Variants in KANK1 observed in about 807,000 individuals in gnomAD.
KANK1 encodes the protein KN motif and ankyrin repeat domains 1.
Under a neutral mutation model 106.2 loss-of-function variants are expected in KANK1, and 109 were observed. The observed-to-expected ratio is 1.03, with a 90% CI of 0.88 to 1.20. KANK1 has a LOEUF of 1.20. KANK1 is among the 50% of genes most tolerant of loss of function. The probability of loss-of-function intolerance (pLI) is 0.00; values close to 1 mark genes in which losing one functional copy is unlikely to be tolerated. For synonymous variants in KANK1, 873 were observed against 652.2 expected (o/e 1.34, Z -5.16); for missense variants, 2,399 against 1,710.7 (o/e 1.40, Z -7.10).
intron 6 of KANK1, chr9:734,538 C>T (rs1221168757): frequency 1.6e-5 from 7 of 430,714 alleles, no homozygotes; most frequent in Admixed American, 3.4e-5. Flanking sequence ...TGGTGGTGCA[C>T]ACCTGTAGTC....
At chr9:646,782 C>T (rs1302242991) in intron 1 of KANK1, among the ~76,000 whole-genome samples, 2 of 150,154 alleles carry the variant, frequency 1.3e-5, no homozygotes, top group African/African-American at 2.5e-5. Flanking sequence ...CTCCGCCTCC[C>T]GGGTTAAAGC....
rs752390323 is a variant in KANK1 at position 713,327 on chromosome 9, A to G, written c.2561A>G (p.Glu854Gly). ...NYSELAEAFGEPHSQMGSLNS... is the reference protein window; with the variant it reads ...NYSELAEAFGGPHSQMGSLNS... ...AGTGAACTGGCAGAAGCTTTCGGGG[A>G]ACCTCACTCACAGATGGGCTCCCTC... The change falls in exon 3 of 12, where the codon GAA (glutamate) becomes GGA (glycine). Residue 854 changes from glutamate to glycine, a missense_variant. Transcript: ENST00000382297. 6.2e-7 allele frequency: 1 copy of G among 1,614,150 alleles called. No homozygotes were observed. Among genetic ancestry groups the G allele is most frequent in the Non-Finnish European group, 8.5e-7 (1 of 1,180,024 alleles).
intron 1 of KANK1, among the ~76,000 whole-genome samples, chr9:641,242 C>T (rs566328873): frequency 6.6e-6 from 1 of 152,288 alleles, no homozygotes; most frequent in Non-Finnish European, 1.5e-5. Context: ...CAGATATGAA[C>T]AGTATGTTTA....
chr9:527,570 G>A (rs1037319292), intron 1 of KANK1, among the ~76,000 whole-genome samples: 5 of 151,656 alleles, frequency 3.3e-5, no homozygotes, highest in African/African-American at 1.2e-4. Flanking sequence ...CAGAGTGCTG[G>A]AATTACAGGT....
chr9:522,430 G>A lies in KANK1; in HGVS notation c.-84+17676G>A, dbSNP rs1056806967. ...TAACGCTCCTTTCTGTGCTCACTCC[G>A]TCTCTTTCATGGTTTTCACAAGCAG... On this transcript the variant is annotated intron_variant, in intron 1 of 11. Coordinates refer to ENST00000382297, the MANE Select transcript of KANK1 (RefSeq NM_015158.5). Among the ~76,000 whole-genome samples, 7 of 151,512 alleles carry A rather than the reference G, an allele frequency of 4.6e-5. No individual in the cohort carries two copies. In the East Asian group the frequency reaches 1.2e-3, roughly 25 times the overall value.
At chr9:701,259 A>G (rs1822584763) in intron 2 of KANK1, among the ~76,000 whole-genome samples, 1 of 152,170 alleles carries the variant, frequency 6.6e-6, no homozygotes, top group Non-Finnish European at 1.5e-5. Context: ...GATTACAGGC[A>G]TGCACCACCA....
chr9:589,354 C>T (rs1383972643), intron 1 of KANK1, among the ~76,000 whole-genome samples: 1 of 152,140 alleles, frequency 6.6e-6, no homozygotes, highest in Non-Finnish European at 1.5e-5. Flanking sequence ...ACTCTTGATG[C>T]TTCATAACAT....
intron 3 of KANK1, among the ~76,000 whole-genome samples, chr9:717,161 C>T (rs1364784067): frequency 6.6e-6 from 1 of 151,816 alleles, no homozygotes; most frequent in Non-Finnish European, 1.5e-5. Context: ...GGCAGATGCC[C>T]GTAGTCCCAG....
At chr9:553,261 G>A (rs891507020) in intron 1 of KANK1, among the ~76,000 whole-genome samples, 2 of 152,224 alleles carry the variant, frequency 1.3e-5, no homozygotes, top group Admixed American at 6.5e-5. Flanking sequence ...GGACTTAAGT[G>A]TGTTCAGAAG....
At chr9:510,187 A>C (rs985197373) in intron 1 of KANK1, among the ~76,000 whole-genome samples, 1 of 152,132 alleles carries the variant, frequency 6.6e-6, no homozygotes, top group African/African-American at 2.4e-5. Flanking sequence ...TTCTGAAAAT[A>C]ATGGTGAGGT....
chr9:724,588 G>A (rs988599799), intron 3 of KANK1, among the ~76,000 whole-genome samples: 1 of 152,110 alleles, frequency 6.6e-6, no homozygotes, highest in Non-Finnish European at 1.5e-5. Context: ...GATCACTTGA[G>A]GTCAGGAGTT....
chr9:574,747 T>A (rs1190446480), intron 1 of KANK1, among the ~76,000 whole-genome samples: 1 of 148,506 alleles, frequency 6.7e-6, no homozygotes, highest in Non-Finnish European at 1.5e-5. Context: ...CCCAGCTACT[T>A]GGGAGGTTGA....
intron 7 of KANK1, among the ~76,000 whole-genome samples, 176 bp downstream of exon 7, chr9:735,011 C>T (rs906412531): frequency 6.6e-6 from 1 of 152,172 alleles, no homozygotes; most frequent in Non-Finnish European, 1.5e-5. Flanking sequence ...ATCACACTGC[C>T]AGCGTTTCCT....
chr9:612,852 T>C (rs1830896634), intron 1 of KANK1, among the ~76,000 whole-genome samples: 1 of 152,080 alleles, frequency 6.6e-6, no homozygotes. Context: ...CAAGAAGTAG[T>C]AAGAGACCCT....
At position 740,811 on chromosome 9, in the gene KANK1, C is replaced by G. The variant is rs976308882; in HGVS notation, c.3573C>G (p.His1191Gln). Residue 1191 changes from histidine (H) to glutamine (Q), a missense_variant, in exon 9 of 12, where the codon CAC (histidine) becomes CAG (glutamine). Coordinates refer to ENST00000382297, the MANE Select transcript of KANK1 (RefSeq NM_015158.5). ...LLDADVCNVD[H>Q]QNKAGYTPIM... is the part of the protein sequence containing the mutation. ...TTACAGATGTGTGTAATGTGGATCA[C>G]CAGAACAAGGCAGGCTACACCCCCA... 40 of 1,612,962 alleles carry G rather than the reference C, an allele frequency of 2.5e-5. No individual in the cohort carries two copies. The highest frequency in any genetic ancestry group is 3.3e-5 in the Non-Finnish European group (39 of 1,179,790).
intron 1 of KANK1, among the ~76,000 whole-genome samples, chr9:595,382 G>A (rs933829568): frequency 1.3e-5 from 2 of 151,928 alleles, no homozygotes; most frequent in Non-Finnish European, 2.9e-5. Flanking sequence ...CTGAAGGGGA[G>A]ACCTAATGCC....
chr9:739,966 C>T (rs546244748), intron 8 of KANK1, among the ~76,000 whole-genome samples: 3 of 152,204 alleles, frequency 2.0e-5, no homozygotes, highest in East Asian at 3.9e-4. Context: ...AAAAACATGT[C>T]CTTAGTATGG....
intron 1 of KANK1, among the ~76,000 whole-genome samples, chr9:606,598 ATGTGTG>A (rs113128911): frequency 7.2e-6 from 1 of 138,418 alleles, no homozygotes; most frequent in Non-Finnish European, 1.5e-5. Context: ...CCTATAAAAT[ATGTGTG>A]TGTGTGTGTG....
intron 2 of KANK1, among the ~76,000 whole-genome samples, chr9:683,047 G>C (rs972633976): frequency 6.6e-6 from 1 of 152,168 alleles, no homozygotes; most frequent in Admixed American, 6.5e-5. Context: ...GGTCTGGCTA[G>C]AACCCACCTG....
Sources: allele counts gnomAD v4.1 joint callset (sites outside exome capture counted in the v4.1 genomes callset), GRCh38; gene constraint gnomAD v4.1.1; transcripts MANE v1.5; gene names NCBI Gene and HGNC (gene_info 2026-07-23, HGNC 2026-07-21).